Variants in XRN2 observed in about 807,000 individuals in gnomAD.
XRN2 encodes the protein DHM1-like protein.
A neutral mutation model predicts 138.5 loss-of-function variants in XRN2; 44 were observed. The ratio of observed to expected loss-of-function variants is 0.32; its 90% confidence interval spans 0.25 to 0.41. The LOEUF (loss-of-function observed/expected upper bound fraction) is 0.41. Among genes scored for constraint, XRN2 ranks in the 10% least tolerant of loss-of-function variants. The pLI is 1.00. For synonymous variants in XRN2, 354 were observed against 369.4 expected (o/e 0.96, Z 0.48); for missense variants, 937 against 1,169.3 (o/e 0.80, Z 2.90).
At position 21,332,742 on chromosome 20, in the gene XRN2, A is replaced by G. The variant is rs1171130214; in HGVS notation, c.858+302A>G. On this transcript the variant is annotated intron_variant, in intron 9 of 29. Transcript: ENST00000377191. ...CTTTAAAATAAACCTGCATTCAAAA[A>G]CATGCACACACTCATCCTTTCTACT... 2.6e-5 allele frequency among the ~76,000 whole-genome samples: 4 copies of G among 152,184 alleles called. No individual in the cohort carries two copies. The East Asian group carries it at 7.7e-4, about 29-fold the overall frequency.
At chr20:21,324,752 G>A (rs926949561) in intron 1 of XRN2, among the ~76,000 whole-genome samples, 5 of 152,122 alleles carry the variant, frequency 3.3e-5, no homozygotes, top group African/African-American at 1.2e-4. Context: ...TCTCACCTCA[G>A]CTTCCGAAGT....
intron 19 of XRN2, 70 bp from the exon 20 acceptor site, chr20:21,349,319 T>C (rs2122255612): frequency 9.5e-7 from 1 of 1,049,758 alleles, no homozygotes; most frequent in South Asian, 1.3e-5. Flanking sequence ...TGAATGAAAG[T>C]CATATCAAAT....
At chr20:21,373,941 T>G (rs374511149) in intron 27 of XRN2, among the ~76,000 whole-genome samples, 1 of 152,220 alleles carries the variant, frequency 6.6e-6, no homozygotes, top group Non-Finnish European at 1.5e-5. Flanking sequence ...TGCTGTCATA[T>G]GATGAACAGA....
At chr20:21,347,361 TAGGTAGACATATTG>T (rs1442535892) in intron 17 of XRN2, among the ~76,000 whole-genome samples, 7 of 152,200 alleles carry the variant, frequency 4.6e-5, no homozygotes, top group African/African-American at 1.7e-4. Flanking sequence ...GGTGAGAGAT[TAGGTAGACATATTG>T]AGGACTGTAA....
intron 1 of XRN2, among the ~76,000 whole-genome samples, chr20:21,304,189 A>G (rs1234274184): frequency 2.6e-5 from 4 of 152,020 alleles, no homozygotes; most frequent in African/African-American, 9.7e-5. Context: ...TTTGGCCATT[A>G]TTGAGTTTTG....
Position 21,368,585 on chromosome 20 carries a change from T to C in XRN2, c.2579T>C (p.Met860Thr), listed in dbSNP as rs778234553. The C allele has an allele frequency of 2.4e-5, 39 of 1,612,984 alleles. No individual in the cohort carries two copies. Among genetic ancestry groups the C allele is most frequent in the African/African-American group, 5.3e-5 (4 of 74,886 alleles). ...GGACAAGCCCAGATTCCAAAACTTA[T>C]GTCAAGTAAGCTTTTACAAATCGGT... ...LRGQAQIPKL[M>T]SNMRPQDSWR... The change falls in exon 27 of 30, where the codon ATG becomes ACG. Residue 860 changes from methionine to threonine, a missense_variant. By Grantham distance (81) the Met-to-Thr change is moderately conservative (BLOSUM62 -1). This residue lies in a region of XRN2 where 372 missense variants were observed against 414.4 expected (regional missense o/e 0.90). Transcript: ENST00000377191.
At chr20:21,387,846 T>C (rs190401911) in intron 29 of XRN2, among the ~76,000 whole-genome samples, 1 of 152,210 alleles carries the variant, frequency 6.6e-6, no homozygotes, top group African/African-American at 2.4e-5. Context: ...TAGTAAGACC[T>C]CTCTTCTCAC....
intron 1 of XRN2, among the ~76,000 whole-genome samples, chr20:21,317,927 G>A (rs187720515): frequency 5.3e-5 from 8 of 152,226 alleles, no homozygotes; most frequent in Non-Finnish European, 7.3e-5. Context: ...TTTTTGTGTG[G>A]TCTTGGTATT....
chr20:21,366,800 T>G (rs549430439), intron 26 of XRN2, among the ~76,000 whole-genome samples: 7 of 152,210 alleles, frequency 4.6e-5, no homozygotes, highest in African/African-American at 1.7e-4. Context: ...TGTAAGTATT[T>G]TAATAACTTT....
chr20:21,385,607 T>C (rs908104343), intron 28 of XRN2, among the ~76,000 whole-genome samples: 2 of 152,192 alleles, frequency 1.3e-5, no homozygotes, highest in Non-Finnish European at 2.9e-5. Flanking sequence ...TAGAGTTCTT[T>C]AGAGAGCAGT....
Position 21,333,734 on chromosome 20 carries a change from C to T in XRN2, c.964C>T (p.Leu322=). Residue 322 remains leucine (L), a synonymous_variant, in exon 11 of 30, where the codon CTA becomes TTA. Transcript: ENST00000377191. ...YLERELTMAS[L]PFTFDVERSI... is the part of the protein sequence containing the mutation. ...GGAAAGAGAACTCACAATGGCCAGCCTACCATTCACATTTGATGTTGAGAG... is the reference window on the plus strand; with the variant it reads ...GGAAAGAGAACTCACAATGGCCAGCTTACCATTCACATTTGATGTTGAGAG... 1.2e-6 allele frequency: 2 copies of T among 1,614,104 alleles called. No homozygotes were observed. Among genetic ancestry groups the T allele is most frequent in the Non-Finnish European group, 1.7e-6 (2 of 1,180,004 alleles).
chr20:21,357,591 G>T, intron 23 of XRN2, 145 bp from the exon 24 acceptor site: 3 of 532,840 alleles, frequency 5.6e-6, no homozygotes, highest in Non-Finnish European at 9.3e-6. Context: ...TTTTTTTTAA[G>T]ATATAAATGG....
intron 1 of XRN2, among the ~76,000 whole-genome samples, chr20:21,324,220 G>T (rs1459795670): frequency 1.3e-5 from 2 of 149,960 alleles, no homozygotes; most frequent in Non-Finnish European, 3.0e-5. Flanking sequence ...TTTTTTTCTT[G>T]ATTCACAGCA....
At chr20:21,349,297 G>C in intron 19 of XRN2, 92 bp from the exon 20 acceptor site, 1 of 883,648 alleles carries the variant, frequency 1.1e-6, no homozygotes, top group Non-Finnish European at 1.8e-6. Flanking sequence ...TTTCTCATCA[G>C]ACCTTATAAC....
chr20:21,355,706 T>A (rs1366349004), intron 21 of XRN2, among the ~76,000 whole-genome samples: 3 of 152,032 alleles, frequency 2.0e-5, no homozygotes, highest in Admixed American at 6.5e-5. Context: ...ATTAAAAAAT[T>A]TTTTTTAAAT....
In XRN2 at chr20:21,348,358, A is replaced by G. The variant is rs766446821; in HGVS notation, c.1791A>G (p.Gln597=). 1 of 1,613,972 alleles carries G rather than the reference A, an allele frequency of 6.2e-7. No individual in the cohort carries two copies. Among genetic ancestry groups the G allele is most frequent in the African/African-American group, 1.3e-5 (1 of 74,920 alleles). The change falls in exon 19 of 30, where the codon CAA becomes CAG. Residue 597 remains glutamine (Q), a synonymous_variant. Transcript: ENST00000377191. ...TTTTTCAGTTTAAACCACTAGAACA[A>G]CTTATGGGGGTATTTCCAGCTGCAA... is the stretch of plus-strand genomic sequence containing the variant. ...KGTKPFKPLE[Q]LMGVFPAASG... is the part of the protein sequence containing the mutation.
intron 27 of XRN2, among the ~76,000 whole-genome samples, chr20:21,373,719 C>T (rs544062730): frequency 6.6e-6 from 1 of 152,246 alleles, no homozygotes; most frequent in South Asian, 2.1e-4. Context: ...TTGGCATCTT[C>T]CTGGTGACTA....
At chr20:21,385,786 C>A (rs1277214550) in intron 28 of XRN2, among the ~76,000 whole-genome samples, 1 of 152,154 alleles carries the variant, frequency 6.6e-6, no homozygotes, top group South Asian at 2.1e-4. Flanking sequence ...GGGCTTTTTT[C>A]CCCTAAGACC....
intron 1 of XRN2, among the ~76,000 whole-genome samples, chr20:21,324,517 G>A (rs1459639708): frequency 7.8e-6 from 1 of 128,924 alleles, no homozygotes; most frequent in African/African-American, 2.8e-5. Context: ...TTTTGGCCTA[G>A]TATGTTTGTG....
Sources: allele counts gnomAD v4.1 joint callset (sites outside exome capture counted in the v4.1 genomes callset), GRCh38; gene constraint gnomAD v4.1.1; regional missense constraint gnomAD v4.1.1; transcripts MANE v1.5; gene names NCBI Gene and HGNC (gene_info 2026-07-23, HGNC 2026-07-21).